The following MLLT3 variants were observed in gnomAD, a reference collection of about 807,000 sequenced individuals.
MLLT3 encodes protein AF-9.
A neutral mutation model predicts 53.2 loss-of-function variants in MLLT3; 4 were observed. That is an observed-to-expected ratio of 0.08 (90% CI 0.04 to 0.17). MLLT3 has a LOEUF of 0.17. MLLT3 is among the 10% of genes least tolerant of loss of function. The pLI is 1.00. For missense variants in MLLT3, 569 were observed against 684.0 expected, an observed-to-expected ratio of 0.83 and a Z score of 1.87; for synonymous variants, 283 against 230.6, an observed-to-expected ratio of 1.23 and a Z score of -2.06.
At chr9:20,406,812 A>C (rs147729828) in intron 5 of MLLT3, among the ~76,000 whole-genome samples, 6 of 152,332 alleles carry the variant, frequency 3.9e-5, no homozygotes, top group Non-Finnish European at 8.8e-5. Flanking sequence ...GTTGTCTTCA[A>C]ACATTTTAGT....
intron 2 of MLLT3, among the ~76,000 whole-genome samples, chr9:20,569,343 C>CGA (rs1351345413): frequency 3.3e-5 from 5 of 152,102 alleles, no homozygotes; most frequent in Admixed American, 2.0e-4. Flanking sequence ...AAACTGTTTT[C>CGA]GAGACCCAGA....
At chr9:20,534,889 A>C (rs1204507812) in intron 2 of MLLT3, among the ~76,000 whole-genome samples, 2 of 152,094 alleles carry the variant, frequency 1.3e-5, no homozygotes, top group Non-Finnish European at 2.9e-5. Flanking sequence ...CCATCTCAAA[A>C]ATAAAACAAA....
intron 2 of MLLT3, among the ~76,000 whole-genome samples, chr9:20,588,151 T>A (rs1208293516): frequency 1.3e-5 from 2 of 152,136 alleles, no homozygotes; most frequent in Non-Finnish European, 2.9e-5. Flanking sequence ...GAGATAGTTG[T>A]AGATATGCGG....
intron 2 of MLLT3, among the ~76,000 whole-genome samples, chr9:20,557,402 A>T (rs1429436097): frequency 1.3e-5 from 2 of 152,156 alleles, no homozygotes; most frequent in African/African-American, 4.8e-5. Context: ...TATAATCAAC[A>T]TTACCTGATG....
At chr9:20,533,257 C>A in intron 2 of MLLT3, 1 of 321,676 alleles carries the variant, frequency 3.1e-6, no homozygotes, top group South Asian at 3.2e-5. Context: ...TGAGATCTGC[C>A]GTCACTGGGT....
intron 2 of MLLT3, among the ~76,000 whole-genome samples, chr9:20,499,113 T>A (rs1394871455): frequency 2.0e-5 from 3 of 152,236 alleles, no homozygotes; most frequent in African/African-American, 7.2e-5. Flanking sequence ...ATAACTCCAA[T>A]CTCTGTCTCC....
At chr9:20,590,642 G>A (rs1312937947) in intron 2 of MLLT3, among the ~76,000 whole-genome samples, 1 of 152,162 alleles carries the variant, frequency 6.6e-6, no homozygotes, top group African/African-American at 2.4e-5. Flanking sequence ...CAGCCATGTG[G>A]AGCTCTGAGT....
At chr9:20,387,474 T>A (rs1208474008) in intron 5 of MLLT3, among the ~76,000 whole-genome samples, 3 of 152,188 alleles carry the variant, frequency 2.0e-5, no homozygotes, top group Non-Finnish European at 2.9e-5. Flanking sequence ...GTTTTTGCGG[T>A]CGTGGAGGGG....
Position 20,346,357 on chromosome 9 carries a change from A to T in MLLT3, c.*86T>A. 1 of 1,362,214 alleles carries T rather than the reference A, an allele frequency of 7.3e-7. No individual in the cohort carries two copies. The highest frequency in any genetic ancestry group is 9.9e-7 in the Non-Finnish European group (1 of 1,014,050). 84.4% of individuals were successfully genotyped at this position (1,362,214 alleles called of 1,614,324 possible). ...TCATTTTGAGTGTTTTCATATAAAC[A>T]ACAAGAACAAAAAATCACAACCAAA... On this transcript the variant is annotated 3_prime_UTR_variant, in exon 11 of 11. Transcript: ENST00000380338.
chr9:20,536,266 G>A (rs1160023954), intron 2 of MLLT3, among the ~76,000 whole-genome samples: 1 of 152,176 alleles, frequency 6.6e-6, no homozygotes, highest in Non-Finnish European at 1.5e-5. Context: ...TGGCTTTGTG[G>A]TATTTATCCT....
intron 5 of MLLT3, among the ~76,000 whole-genome samples, chr9:20,405,005 C>T (rs1028770035): frequency 6.6e-6 from 1 of 152,036 alleles, no homozygotes; most frequent in South Asian, 2.1e-4. Context: ...ATAATCCACC[C>T]GGAGATGCAT....
intron 5 of MLLT3, among the ~76,000 whole-genome samples, chr9:20,394,310 G>A (rs768922241): frequency 2.1e-4 from 32 of 152,062 alleles, no homozygotes; most frequent in African/African-American, 7.7e-4. Context: ...CAGTTCTTCC[G>A]ATCTGAACAC....
chr9:20,404,649 C>A (rs146928389), intron 5 of MLLT3, among the ~76,000 whole-genome samples: 1 of 152,092 alleles, frequency 6.6e-6, no homozygotes, highest in Non-Finnish European at 1.5e-5. Flanking sequence ...GGAGTACAGG[C>A]GTGCACTACC....
intron 2 of MLLT3, chr9:20,533,240 G>A: frequency 3.1e-6 from 1 of 319,570 alleles, no homozygotes; most frequent in South Asian, 3.2e-5. Flanking sequence ...TATAATGACA[G>A]ATATGATGAG....
At chr9:20,558,815 T>C (rs1447696380) in intron 2 of MLLT3, among the ~76,000 whole-genome samples, 2 of 152,248 alleles carry the variant, frequency 1.3e-5, no homozygotes, top group Admixed American at 6.5e-5. Flanking sequence ...GTTGGCATCA[T>C]TTGCATCAGC....
At chr9:20,477,945 G>T (rs1212096316) in intron 2 of MLLT3, among the ~76,000 whole-genome samples, 1 of 152,204 alleles carries the variant, frequency 6.6e-6, no homozygotes, top group Non-Finnish European at 1.5e-5. Context: ...TAATTAGGTT[G>T]CAGAAGAAGC....
chr9:20,437,774 A>G (rs574685713), intron 4 of MLLT3, among the ~76,000 whole-genome samples: 13 of 152,296 alleles, frequency 8.5e-5, no homozygotes, highest in Non-Finnish European at 1.5e-4. Flanking sequence ...CTCTTTGCCA[A>G]AGTATTCAGA....
At chr9:20,382,282 G>A (rs1448554259) in intron 5 of MLLT3, 1 of 151,638 alleles carries the variant, frequency 6.6e-6, no homozygotes, top group African/African-American at 2.4e-5. Flanking sequence ...TATCCCAGAA[G>A]CTATCTTGCC....
chr9:20,345,423 C>T lies in MLLT3; in HGVS notation c.*1020G>A, dbSNP rs1239092523. 9.5e-6 allele frequency: 2 copies of T among 209,842 alleles called. No homozygotes were observed. Among genetic ancestry groups the T allele is most frequent in the African/African-American group, 4.6e-5 (2 of 43,952 alleles). The allele number at this position is 209,842 out of a possible 1,614,324, so 13.0% of individuals were successfully genotyped here. A position where few individuals can be genotyped will look rare whatever the true frequency, so the allele number is the denominator to read the frequency against. ...CACTGGCAGCTGAAGAAAGCTGAAA[C>T]TCTGACTAATAAATAGATCCAAATT... On this transcript the variant is annotated 3_prime_UTR_variant, in exon 11 of 11. Transcript: ENST00000380338.
Sources: allele counts gnomAD v4.1 joint callset (sites outside exome capture counted in the v4.1 genomes callset), GRCh38; gene constraint gnomAD v4.1.1; transcripts MANE v1.5; gene names NCBI Gene and HGNC (gene_info 2026-07-23, HGNC 2026-07-21).